The following RORA variants were observed in gnomAD, a reference collection of about 807,000 sequenced individuals.
RORA encodes the protein nuclear receptor ROR-alpha.
Under a neutral mutation model 69.5 loss-of-function variants are expected in RORA, and 7 were observed. That is an observed-to-expected ratio of 0.10 (90% CI 0.06 to 0.19). The LOEUF (loss-of-function observed/expected upper bound fraction) is 0.19. Among genes scored for constraint, RORA ranks in the 10% least tolerant of loss-of-function variants. RORA has a pLI of 1.00. For missense variants in RORA, 457 were observed against 663.0 expected (o/e 0.69, Z 3.41); for synonymous variants, 261 against 240.8 (o/e 1.08, Z -0.78).
chr15:61,076,018 T>G (rs2078443961), intron 1 of RORA, among the ~76,000 whole-genome samples: 1 of 152,156 alleles, frequency 6.6e-6, no homozygotes, highest in African/African-American at 2.4e-5. Flanking sequence ...CTTCACTTCC[T>G]CAAAGCTTAG....
chr15:60,847,265 A>G (rs149054478), intron 1 of RORA, among the ~76,000 whole-genome samples: 1 of 152,212 alleles, frequency 6.6e-6, no homozygotes, highest in Non-Finnish European at 1.5e-5. Context: ...CGCAGAGGTG[A>G]ACTTAGATAT....
intron 1 of RORA, among the ~76,000 whole-genome samples, chr15:61,129,859 C>T (rs1258041555): frequency 6.6e-6 from 1 of 152,192 alleles, no homozygotes. Context: ...GGCAGATCCC[C>T]ACTTTCCCCC....
At chr15:60,993,524 T>C (rs1019917417) in intron 1 of RORA, among the ~76,000 whole-genome samples, 8 of 151,666 alleles carry the variant, frequency 5.3e-5, no homozygotes, top group African/African-American at 1.7e-4. Context: ...ATGCCTGTAA[T>C]CCTGGCTACT....
intron 1 of RORA, among the ~76,000 whole-genome samples, chr15:61,117,736 TG>T (rs1353965817): frequency 6.6e-6 from 1 of 152,250 alleles, no homozygotes; most frequent in Non-Finnish European, 1.5e-5. Context: ...GTTACTGTAC[TG>T]GAGCTTCTGA....
At position 60,746,418 on chromosome 15, in the gene RORA, C is replaced by T. The variant is rs576860190; in HGVS notation, c.167-67732G>A. 5.3e-5 allele frequency among the ~76,000 whole-genome samples: 8 copies of T among 152,088 alleles called. No homozygotes were observed. The South Asian group carries it at 1.3e-3, about 24-fold the overall frequency. On this transcript the variant is annotated intron_variant, in intron 1 of 10. Transcript: ENST00000335670. ...TGTGTATAGTCACCGCTTACAACTA[C>T]ATGGTGGGTGGAGAGTGGTTTATGA...
At position 60,891,630 on chromosome 15, in the gene RORA, T is replaced by G. The variant is rs1015230920; in HGVS notation, c.167-212944A>C. Among the ~76,000 whole-genome samples, 6 of 152,326 alleles carry G rather than the reference T, an allele frequency of 3.9e-5. No homozygotes were observed. The East Asian group carries it at 1.2e-3, about 29-fold the overall frequency. On this transcript the variant is annotated intron_variant, in intron 1 of 10. Coordinates refer to ENST00000335670, the MANE Select transcript of RORA (RefSeq NM_134261.3). ...TGAAGGACTAGGACAGTCAGTGAAC[T>G]GCACCTCCAAAGCCTGTCCTCCAGT...
chr15:61,061,277 C>T lies in RORA; in HGVS notation c.166+167776G>A, dbSNP rs551868254. Among the ~76,000 whole-genome samples the T allele has an allele frequency of 6.6e-5, 10 of 151,850 alleles. No individual in the cohort carries two copies. The highest frequency in any genetic ancestry group is 1.7e-4 in the African/African-American group (7 of 41,380). On this transcript the variant is annotated intron_variant, in intron 1 of 10. Transcript: ENST00000335670. This position sits in a 1 kb window ranked among gnomAD's most constrained non-coding sequence, Gnocchi z 4.4. The stretch of plus-strand genomic sequence containing the variant: ...CTGAGGCAGGAGAATGGCATGAGCT[C>T]GGGAGGCAGAGCTTGCAGTGAGCCG...
At chr15:60,875,719 G>A (rs557959622) in intron 1 of RORA, among the ~76,000 whole-genome samples, 2 of 152,294 alleles carry the variant, frequency 1.3e-5, no homozygotes, top group South Asian at 4.2e-4. Context: ...GAGGATACCA[G>A]TGGAAATCAC....
At chr15:61,167,482 A>ATTTTTTTTTTTTTTTTTTTTTTTT (rs199752865) in intron 1 of RORA, among the ~76,000 whole-genome samples, 2 of 133,652 alleles carry the variant, frequency 1.5e-5, no homozygotes, top group Admixed American at 1.6e-4. Context: ...TTTGACCAGG[A>ATTTTTTTTTTTTTTTTTTTTTTTT]TTTTTTTTTT....
intron 2 of RORA, among the ~76,000 whole-genome samples, chr15:60,597,437 A>G (rs1466605786): frequency 6.8e-6 from 1 of 146,734 alleles, no homozygotes; most frequent in Non-Finnish European, 1.5e-5. Flanking sequence ...ACCAAGGCCA[A>G]GAGGGACCTC....
chr15:60,516,211 ATATATATATATTTATATATATATTTAT>A (rs1567052546), intron 3 of RORA, among the ~76,000 whole-genome samples: 17 of 18,586 alleles, frequency 9.1e-4, no homozygotes, highest in African/African-American at 3.7e-3. Flanking sequence ...ATATATATTT[ATATATATATATTTATATATATATTTAT>A]ATATATATAT....
At chr15:61,122,155 ACTT>A (rs948697500) in intron 1 of RORA, among the ~76,000 whole-genome samples, 7 of 152,200 alleles carry the variant, frequency 4.6e-5, no homozygotes, top group African/African-American at 1.7e-4. Context: ...CATTGAGAGA[ACTT>A]CTTTCTTTCT....
chr15:61,118,662 C>T (rs944617967), intron 1 of RORA, among the ~76,000 whole-genome samples: 1 of 152,178 alleles, frequency 6.6e-6, no homozygotes, highest in African/African-American at 2.4e-5. Context: ...GCTCAGGAAC[C>T]TGGAGCCGGA....
chr15:60,790,192 C>G (rs79830772), intron 1 of RORA, among the ~76,000 whole-genome samples: 3,043 of 152,346 alleles, frequency 0.02, 105 homozygotes, highest in African/African-American at 0.07. Flanking sequence ...ATCTAAATCA[C>G]CTGACTCACT....
intron 1 of RORA, among the ~76,000 whole-genome samples, chr15:61,040,112 T>TGATA (rs1896671126): frequency 6.9e-5 from 4 of 57,636 alleles, no homozygotes; most frequent in Admixed American, 1.8e-4. Context: ...TCACAAGCTT[T>TGATA]GATATATATA....
intron 1 of RORA, among the ~76,000 whole-genome samples, chr15:61,054,993 C>T (rs778237482): frequency 1.4e-4 from 22 of 152,030 alleles, no homozygotes; most frequent in Admixed American, 5.9e-4. Context: ...CACACCACCA[C>T]GTCTGGCTAA....
At chr15:60,822,238 A>G (rs2072902552) in intron 1 of RORA, among the ~76,000 whole-genome samples, 1 of 152,204 alleles carries the variant, frequency 6.6e-6, no homozygotes, top group Non-Finnish European at 1.5e-5. Context: ...CTAGTTCAAG[A>G]GCCTCATTTT....
intron 1 of RORA, among the ~76,000 whole-genome samples, chr15:60,696,446 A>C (rs2070906893): frequency 6.6e-6 from 1 of 152,154 alleles, no homozygotes; most frequent in African/African-American, 2.4e-5. Context: ...GGCTTGGATT[A>C]TATAACAACT....
At chr15:60,955,376 G>C (rs186679828) in intron 1 of RORA, among the ~76,000 whole-genome samples, 2 of 152,294 alleles carry the variant, frequency 1.3e-5, no homozygotes, top group East Asian at 1.9e-4. Context: ...TCGTTTTAAA[G>C]TACTCATGAA....
Sources: gnomAD v4.1 joint callset for allele counts (sites outside exome capture counted in the v4.1 genomes callset) on GRCh38, gnomAD v4.1.1 for gene constraint, Gnocchi (gnomAD v3.1) non-coding constraint, MANE v1.5 for transcripts, NCBI Gene and HGNC (gene_info 2026-07-23, HGNC 2026-07-21) for gene names.